IDO2: variants seen among roughly 807,000 people sequenced by gnomAD.
IDO2 encodes the protein indoleamine 2,3-dioxygenase 2, also known as indoleamine 2,3-dioxygenase-like 1 protein.
A neutral mutation model predicts 45.1 loss-of-function variants in IDO2; 46 were observed. That is an observed-to-expected ratio of 1.02 (90% CI 0.80 to 1.30). The LOEUF is 1.30. Ranked by LOEUF, IDO2 falls within the 50% of genes most tolerant of loss-of-function variation. The pLI, the probability that IDO2 is intolerant of heterozygous loss-of-function variation, is 0.00. For synonymous variants in IDO2, 218 were observed against 184.9 expected (o/e 1.18, Z -1.45); for missense variants, 544 against 491.8 (o/e 1.11, Z -1.00).
intron 3 of IDO2, among the ~76,000 whole-genome samples, chr8:39,976,403 G>T (rs7008622): frequency 0.075 from 11,421 of 152,144 alleles, 1,401 homozygotes; most frequent in African/African-American, 0.26. Flanking sequence ...TACAATCAAT[G>T]AGAGGTACAC....
intron 8 of IDO2, among the ~76,000 whole-genome samples, chr8:40,001,396 T>A (rs565548432): frequency 9.2e-5 from 14 of 151,844 alleles, no homozygotes; most frequent in African/African-American, 3.4e-4. Context: ...ACTACAGGCG[T>A]GCACCACCAT....
intron 2 of IDO2, among the ~76,000 whole-genome samples, chr8:39,963,231 C>T (rs1808025937): frequency 6.6e-6 from 1 of 152,210 alleles, no homozygotes; most frequent in South Asian, 2.1e-4. Flanking sequence ...AAAGTCACTT[C>T]CCCTCCAAAA....
chr8:39,967,497 C>G (rs1808105162), intron 3 of IDO2, among the ~76,000 whole-genome samples: 1 of 142,136 alleles, frequency 7.0e-6, no homozygotes, highest in African/African-American at 3.0e-5. Context: ...AGTTTCTTTT[C>G]TTTTTTTTGA....
intron 4 of IDO2, among the ~76,000 whole-genome samples, chr8:39,981,737 A>G (rs1585409878): frequency 6.6e-6 from 1 of 152,324 alleles, no homozygotes; most frequent in South Asian, 2.1e-4. Context: ...AAAAATGAAG[A>G]CAAAAGCAGG....
chr8:40,002,521 G>A (rs866039330), intron 8 of IDO2, among the ~76,000 whole-genome samples: 15 of 152,256 alleles, frequency 9.9e-5, no homozygotes, highest in East Asian at 1.9e-4. Flanking sequence ...GGAGCTGGGC[G>A]CGGTGGCTCA....
chr8:39,952,843 A>G (rs780480568), intron 2 of IDO2, among the ~76,000 whole-genome samples: 19 of 151,492 alleles, frequency 1.3e-4, no homozygotes, highest in Non-Finnish European at 2.6e-4. Context: ...ATCTCAGCTC[A>G]CTGCAACCTC....
intron 8 of IDO2, among the ~76,000 whole-genome samples, chr8:40,002,336 G>A (rs2129595222): frequency 6.6e-6 from 1 of 152,124 alleles, no homozygotes; most frequent in Admixed American, 6.6e-5. Flanking sequence ...GTCTTTTCCT[G>A]CAACGATATC....
intron 9 of IDO2, among the ~76,000 whole-genome samples, chr8:40,007,835 A>T (rs570986555): frequency 1.3e-5 from 2 of 152,272 alleles, no homozygotes; most frequent in South Asian, 4.1e-4. Flanking sequence ...GGCCGAAGTC[A>T]ATTTATCTAT....
intron 1 of IDO2, among the ~76,000 whole-genome samples, chr8:39,939,502 G>C (rs575866230): frequency 8.1e-6 from 1 of 123,792 alleles, no homozygotes; most frequent in Non-Finnish European, 1.6e-5. Flanking sequence ...AGCCGATATC[G>C]CACCACTGTA....
chr8:39,979,823 T>A (rs1320045877), intron 4 of IDO2, among the ~76,000 whole-genome samples: 1 of 152,150 alleles, frequency 6.6e-6, no homozygotes, highest in Non-Finnish European at 1.5e-5. Context: ...TGAAGGCAGA[T>A]TGCCTTTTTG....
At chr8:39,983,902 C>G (rs901287644) in intron 5 of IDO2, among the ~76,000 whole-genome samples, 1 of 151,844 alleles carries the variant, frequency 6.6e-6, no homozygotes, top group African/African-American at 2.4e-5. Flanking sequence ...AAGTGAGATT[C>G]GGCCATCTCA....
rs186045300 is a variant in IDO2 at position 39,974,025 on chromosome 8, C to T, written c.196-5042C>T. Among the ~76,000 whole-genome samples, 10 of 152,202 alleles carry T rather than the reference C, an allele frequency of 6.6e-5. No homozygotes were observed. In the East Asian group the frequency reaches 1.5e-3, roughly 23 times the overall value. On this transcript the variant is annotated intron_variant, in intron 3 of 10. Coordinates refer to ENST00000502986, the Ensembl canonical transcript of IDO2. ...AAAGTGCTGGGATTACAGGTGTGAG[C>T]CACTGTGCCCAGCCAAAATAATGTT...
At chr8:39,966,027 T>TTC (rs1808079664) in intron 3 of IDO2, among the ~76,000 whole-genome samples, 1 of 14,862 alleles carries the variant, frequency 6.7e-5, no homozygotes, top group Non-Finnish European at 4.8e-4. Flanking sequence ...CTATCGCTTC[T>TTC]TTTTTTTTTT....
chr8:40,015,455 A>T, exon 11 of IDO2: 1 of 1,613,940 alleles, frequency 6.2e-7, no homozygotes, highest in Non-Finnish European at 8.5e-7. Flanking sequence ...TCACAGCTGC[A>T]GCCAAGGCAA....
exon 2 of IDO2, chr8:39,949,261 T>C: frequency 6.3e-7 from 1 of 1,585,442 alleles, no homozygotes; most frequent in African/African-American, 1.3e-5. Context: ...TTCCAGATTC[T>C]CTGGTAAGGA....
intron 2 of IDO2, among the ~76,000 whole-genome samples, chr8:39,960,206 G>C (rs1331224148): frequency 6.6e-6 from 1 of 152,028 alleles, no homozygotes; most frequent in African/African-American, 2.4e-5. Flanking sequence ...GAGGTCCCTG[G>C]TCTTTTCTCC....
At chr8:40,005,359 A>C in exon 9 of IDO2, 3 of 1,582,028 alleles carry the variant, frequency 1.9e-6, no homozygotes, top group Non-Finnish European at 2.6e-6. Context: ...TTATGCAGGC[A>C]TCCGGATCTT....
chr8:39,962,456 T>C (rs953132790), intron 2 of IDO2, among the ~76,000 whole-genome samples: 1 of 152,204 alleles, frequency 6.6e-6, no homozygotes, highest in African/African-American at 2.4e-5. Context: ...GGAAAATTCA[T>C]ATATTCTACA....
chr8:39,958,729 G>C (rs1185057035), intron 2 of IDO2, among the ~76,000 whole-genome samples: 1 of 152,182 alleles, frequency 6.6e-6, no homozygotes. Flanking sequence ...GGGATTACAG[G>C]TGTGAGCCAC....
Sources: gnomAD v4.1 joint callset for allele counts (sites outside exome capture counted in the v4.1 genomes callset) on GRCh38, gnomAD v4.1.1 for gene constraint, MANE v1.5 for transcripts, NCBI Gene and HGNC (gene_info 2026-07-23, HGNC 2026-07-21) for gene names.